CHMP1A: variants seen among roughly 807,000 people sequenced by gnomAD.
CHMP1A encodes the protein charged multivesicular body protein 1A, also known as VPS46 homolog A.
CHMP1A carries 17 observed loss-of-function variants against 27.0 expected under a neutral mutation model. That is an observed-to-expected ratio of 0.63 (90% confidence interval 0.43 to 0.95). CHMP1A has a LOEUF of 0.95. Ranked by LOEUF, CHMP1A falls within the 40% of genes least tolerant of loss-of-function variation. CHMP1A has a pLI of 0.00. For synonymous variants in CHMP1A, 131 were observed against 107.5 expected (o/e 1.22, Z -1.35); for missense variants, 275 against 264.0 (o/e 1.04, Z -0.29).
Position 89,657,659 on chromosome 16 carries a change from C to T in CHMP1A, c.-71G>A. ...AACTCCGGGCGGTGTCAGGTCCCGG[C>T]GGCGATCGAACCGACCAAGCTGCAC... On this transcript the variant is annotated 5_prime_UTR_variant, in exon 1 of 7. Coordinates refer to ENST00000397901, the MANE Select transcript of CHMP1A (RefSeq NM_002768.5). 1 of 1,600,996 alleles carries T rather than the reference C, an allele frequency of 6.2e-7. No individual in the cohort carries two copies. Among genetic ancestry groups the T allele is most frequent in the Admixed American group, 1.7e-5 (1 of 59,066 alleles).
At chr16:89,655,396 CT>C (rs2059856802) in intron 1 of CHMP1A, among the ~76,000 whole-genome samples, 1 of 151,454 alleles carries the variant, frequency 6.6e-6, no homozygotes, top group Non-Finnish European at 1.5e-5. Flanking sequence ...TTTCCCTCAC[CT>C]CAGCTTTCCC....
At chr16:89,653,349 A>G (rs1216833562) in intron 2 of CHMP1A, among the ~76,000 whole-genome samples, 10 of 142,728 alleles carry the variant, frequency 7.0e-5, no homozygotes, top group South Asian at 2.5e-4. Context: ...GGCCAGGCAC[A>G]GTGGCTCACG....
intron 2 of CHMP1A, among the ~76,000 whole-genome samples, chr16:89,652,701 C>T (rs2059834759): frequency 1.3e-5 from 2 of 152,250 alleles, no homozygotes; most frequent in Non-Finnish European, 2.9e-5. Context: ...AGCCGGTCCC[C>T]TCTGTGCCCA....
Position 89,646,634 on chromosome 16 carries a change from G to A in CHMP1A, c.462C>T (p.Ala154=), listed in dbSNP as rs200669587. The A allele has an allele frequency of 4.6e-5, 74 of 1,609,760 alleles. No individual in the cohort carries two copies. Among genetic ancestry groups the A allele is most frequent in the South Asian group, 2.4e-4 (22 of 90,082 alleles). The part of the protein sequence containing the change: ...EQVDSLIMQI[A]EENGLEVLDQ... The stretch of plus-strand genomic sequence containing the variant: ...CCAGCACCTCCAGGCCATTCTCCTC[G>A]GCGATCTGCATGATGAGGCTGTCCA... Residue 154 remains alanine, a synonymous_variant, in exon 6 of 7, where the codon GCC becomes GCT. Transcript: ENST00000397901.
In CHMP1A at chr16:89,649,421, T is replaced by C. The variant is rs1356042868; in HGVS notation, c.182A>G (p.Asn61Ser). 3.7e-6 allele frequency: 6 copies of C among 1,613,684 alleles called. No homozygotes were observed. Among genetic ancestry groups the C allele is most frequent in the South Asian group, 1.1e-5 (1 of 91,088 alleles). ...TACGCGGGACGCCATCCGAAGCCAG[T>C]TCACACCTTCGTTCTTCTTGCGGAT... is the stretch of plus-strand genomic sequence containing the variant. ...NAIRKKNEGV[N>S]WLRMASRVDA... Residue 61 changes from asparagine (N) to serine (S), a missense_variant, in exon 4 of 7, where the codon AAC (asparagine) becomes AGC (serine). Asn to Ser is a conservative substitution (Grantham distance 46). Transcript: ENST00000397901.
At chr16:89,655,137 G>A (rs555946727) in intron 1 of CHMP1A, among the ~76,000 whole-genome samples, 3 of 152,146 alleles carry the variant, frequency 2.0e-5, no homozygotes, top group Admixed American at 6.5e-5. Context: ...TCCAAGATGA[G>A]ATCTCCCGGG....
intron 4 of CHMP1A, 93 bp from the exon 5 acceptor site, chr16:89,647,424 T>A: frequency 7.8e-7 from 1 of 1,276,132 alleles, no homozygotes; most frequent in African/African-American, 1.5e-5. Flanking sequence ...ACAGGAGAGC[T>A]GGGGCACCCC....
At chr16:89,652,333 G>A (rs918246345) in intron 2 of CHMP1A, among the ~76,000 whole-genome samples, 1 of 146,098 alleles carries the variant, frequency 6.8e-6, no homozygotes, top group African/African-American at 2.5e-5. Flanking sequence ...CTGGTATCAG[G>A]TAGCCCTGGC....
At position 89,657,610 on chromosome 16, in the gene CHMP1A, A is replaced by C; in HGVS notation, c.-22T>G. 1 of 1,610,870 alleles carries C rather than the reference A, an allele frequency of 6.2e-7. No individual in the cohort carries two copies. Among genetic ancestry groups the C allele is most frequent in the Non-Finnish European group, 8.5e-7 (1 of 1,179,158 alleles). On this transcript the variant is annotated 5_prime_UTR_variant, in exon 1 of 7. Transcript: ENST00000397901. Reference sequence around the variant, plus strand: ...CCATGGCCACAATGACAGGAGCAGCACTCGGAGAGGGAGAAGGGACGCCAA... The same window carrying C: ...CCATGGCCACAATGACAGGAGCAGCCCTCGGAGAGGGAGAAGGGACGCCAA...
At chr16:89,652,910 C>A (rs1011224655) in intron 2 of CHMP1A, among the ~76,000 whole-genome samples, 3 of 152,146 alleles carry the variant, frequency 2.0e-5, no homozygotes, top group African/African-American at 2.4e-5. Flanking sequence ...ACCTCCACCC[C>A]ACGTGGGAGG....
intron 4 of CHMP1A, 49 bp downstream of exon 4, chr16:89,649,302 G>A: frequency 1.3e-6 from 2 of 1,594,908 alleles, no homozygotes; most frequent in Non-Finnish European, 1.7e-6. Flanking sequence ...GCCCATTCCT[G>A]CTTCAGCCAG....
chr16:89,646,544 C>G lies in CHMP1A; in HGVS notation c.552G>C (p.Glu184Asp), dbSNP rs375912713. ...GACCCTACCTCCGTGACAGCTGGTC[C>G]TCCTGGCTGCGCACAGAGCTCTCGC... ...AVGESSVRSQ[E>D]DQLSRRLAAL... is the part of the protein sequence containing the mutation. Residue 184 changes from glutamate (E) to aspartate (D), a missense_variant, in exon 6 of 7, where the codon GAG becomes GAC. Coordinates refer to ENST00000397901, the MANE Select transcript of CHMP1A (RefSeq NM_002768.5). The G allele has an allele frequency of 1.9e-6, 3 of 1,585,794 alleles. No homozygotes were observed. The African/African-American group carries it at 4.0e-5, about 21-fold the overall frequency.
intron 1 of CHMP1A, among the ~76,000 whole-genome samples, chr16:89,655,503 C>T (rs761496947): frequency 3.9e-5 from 6 of 152,192 alleles, no homozygotes; most frequent in Non-Finnish European, 5.9e-5. Flanking sequence ...GCTTTCTCTT[C>T]CAGCCGTGTG....
At chr16:89,657,453 G>C (rs370465030) in intron 1 of CHMP1A, 129 bp downstream of exon 1, 6 of 1,168,404 alleles carry the variant, frequency 5.1e-6, no homozygotes, top group South Asian at 1.4e-5. Flanking sequence ...GGGGTCCCGG[G>C]GGATCGACGG....
At chr16:89,654,899 C>T (rs1420904956) in intron 1 of CHMP1A, among the ~76,000 whole-genome samples, 2 of 151,672 alleles carry the variant, frequency 1.3e-5, no homozygotes, top group Non-Finnish European at 2.9e-5. Context: ...GCCGAGATTG[C>T]GCCACTGCAC....
Position 89,645,974 on chromosome 16 carries a change from G to C in CHMP1A, c.*92C>G. The C allele has an allele frequency of 6.2e-7, 1 of 1,611,896 alleles. No individual in the cohort carries two copies. Among genetic ancestry groups the C allele is most frequent in the Non-Finnish European group, 8.5e-7 (1 of 1,179,326 alleles). On this transcript the variant is annotated 3_prime_UTR_variant, in exon 7 of 7. Transcript: ENST00000397901. ...GAGTGGCTGCCGGCCGCAGCCCCGC[G>C]GGGTCAGCACAAAGGCAAGACGCGG...
chr16:89,652,410 G>A (rs2059832055), intron 2 of CHMP1A, among the ~76,000 whole-genome samples: 1 of 151,530 alleles, frequency 6.6e-6, no homozygotes, highest in Non-Finnish European at 1.5e-5. Flanking sequence ...CTGGTACCAG[G>A]TAGCCCTGGC....
intron 1 of CHMP1A, among the ~76,000 whole-genome samples, chr16:89,654,428 A>G (rs1004348832): frequency 6.6e-6 from 1 of 152,034 alleles, no homozygotes; most frequent in African/African-American, 2.4e-5. Context: ...AAAGTTCAGT[A>G]CTTGACAGTT....
At chr16:89,646,237 T>C (rs2059772287) in intron 6 of CHMP1A, 150 bp from the exon 7 acceptor site, 9 of 755,272 alleles carry the variant, frequency 1.2e-5, no homozygotes, top group Non-Finnish European at 1.9e-5. Flanking sequence ...TGTCCCACTC[T>C]TACCTGATCT....
Sources: allele counts gnomAD v4.1 joint callset (sites outside exome capture counted in the v4.1 genomes callset), GRCh38; gene constraint gnomAD v4.1.1; transcripts MANE v1.5; gene names NCBI Gene and HGNC (gene_info 2026-07-23, HGNC 2026-07-21).